Variants in NREP observed in about 807,000 individuals in gnomAD.
NREP encodes neuronal regeneration related protein, also known as neuronal regeneration-related protein.
A neutral mutation model predicts 8.6 loss-of-function variants in NREP; 5 were observed. The ratio of observed to expected loss-of-function variants is 0.58; its 90% CI spans 0.30 to 1.22. The LOEUF (loss-of-function observed/expected upper bound fraction) is 1.22, where lower values mean the gene tolerates loss of function less well. Ranked by LOEUF, NREP falls within the 50% of genes most tolerant of loss-of-function variation. The pLI is 0.07. For missense variants in NREP, 86 were observed against 82.5 expected (o/e 1.04, Z -0.17); for synonymous variants, 27 against 28.0 (o/e 0.96, Z 0.11).
At chr5:111,895,207 C>A (rs76529430) in intron 2 of NREP, among the ~76,000 whole-genome samples, 1 of 152,152 alleles carries the variant, frequency 6.6e-6, no homozygotes, top group African/African-American at 2.4e-5. Flanking sequence ...CCTTGCTACA[C>A]CCTTTAGAGA....
rs1414295186 is a variant in NREP at position 111,730,912 on chromosome 5, G to A, written c.*9C>T. On this transcript the variant is annotated 3_prime_UTR_variant, in exon 4 of 4. Coordinates refer to ENST00000257435, the MANE Select transcript of NREP (RefSeq NM_004772.4). ...TACACCATATGTAATACAAATGGAG[G>A]TGTTACGATTAAAAAAAGTGGAGGT... is the stretch of plus-strand genomic sequence containing the variant. The A allele has an allele frequency of 6.2e-7, 1 of 1,613,666 alleles. No individual in the cohort carries two copies. The highest frequency in any genetic ancestry group is 8.5e-7 in the Non-Finnish European group (1 of 1,179,786).
chr5:111,928,383 A>G (rs1755447841), intron 2 of NREP, among the ~76,000 whole-genome samples: 1 of 152,164 alleles, frequency 6.6e-6, no homozygotes, highest in Middle Eastern at 3.4e-3. Context: ...AAAATGACAA[A>G]TAAGGTTCTC....
chr5:111,920,787 G>A (rs1430118268), intron 2 of NREP, among the ~76,000 whole-genome samples: 1 of 152,060 alleles, frequency 6.6e-6, no homozygotes, highest in East Asian at 1.9e-4. Flanking sequence ...AAAAAAGGCG[G>A]GGCAGAACAC....
rs1748368106 is a variant in NREP at position 111,729,593 on chromosome 5, T to C, written c.*1328A>G. The C allele has an allele frequency of 6.6e-6, 1 of 152,640 alleles. No individual in the cohort carries two copies. Among genetic ancestry groups the C allele is most frequent in the Non-Finnish European group, 1.5e-5 (1 of 68,044 alleles). The allele number at this position is 152,640 out of a possible 1,614,324, so 9.5% of individuals were successfully genotyped here. Reference sequence around the variant, plus strand: ...ACGAAGAAGTGCAGTGCATGCGTCATCGGTGTTTAACAGTCAGAAGCGAAA... The same window carrying C: ...ACGAAGAAGTGCAGTGCATGCGTCACCGGTGTTTAACAGTCAGAAGCGAAA... On this transcript the variant is annotated 3_prime_UTR_variant, in exon 4 of 4. Coordinates refer to ENST00000257435, the MANE Select transcript of NREP (RefSeq NM_004772.4).
intron 2 of NREP, among the ~76,000 whole-genome samples, chr5:111,800,085 C>CTTTTTTT (rs750853784): frequency 1.4e-5 from 2 of 141,162 alleles, no homozygotes. Flanking sequence ...ACGCCAACTA[C>CTTTTTTT]TTTTTTTTTT....
In NREP at chr5:111,926,426, A is replaced by G. The variant is rs1755386098; in HGVS notation, c.135+48848T>C. On this transcript the variant is annotated intron_variant, in intron 2 of 3. Transcript: ENST00000395634. Reference sequence around the variant, plus strand: ...GCTGGGTCGATTGTGCATCGCTTGCAGAGGTCTGTGTTGTCCCACAGGGCA... The same window carrying G: ...GCTGGGTCGATTGTGCATCGCTTGCGGAGGTCTGTGTTGTCCCACAGGGCA... 2.0e-5 allele frequency among the ~76,000 whole-genome samples: 3 copies of G among 152,152 alleles called. No homozygotes were observed. The South Asian group carries it at 6.2e-4, about 32-fold the overall frequency.
chr5:111,731,028 T>C lies in NREP; in HGVS notation c.100A>G (p.Lys34Glu). ...RLPKGRLPVPKEVNRKKNDET... is the reference protein window; with the variant it reads ...RLPKGRLPVPEEVNRKKNDET... The stretch of plus-strand genomic sequence containing the variant: ...TCGTTCTTCTTGCGGTTCACTTCCT[T>C]TGGGACAGGAAGTCTTCCCTGCAAA... The change falls in exon 4 of 4, where the codon AAG (lysine) becomes GAG (glutamate). Residue 34 changes from lysine (K) to glutamate (E), a missense_variant. Transcript: ENST00000257435. 1.9e-6 allele frequency: 3 copies of C among 1,613,882 alleles called. No homozygotes were observed. The highest frequency in any genetic ancestry group is 2.2e-5 in the South Asian group (2 of 91,076).
chr5:111,882,467 G>A (rs2112517407), intron 2 of NREP, among the ~76,000 whole-genome samples: 1 of 152,256 alleles, frequency 6.6e-6, no homozygotes, highest in Middle Eastern at 3.4e-3. Context: ...TTGGATGCAG[G>A]AAATACAGAG....
At chr5:111,848,604 A>G (rs78929666) in intron 2 of NREP, among the ~76,000 whole-genome samples, 2 of 152,002 alleles carry the variant, frequency 1.3e-5, no homozygotes, top group Non-Finnish European at 2.9e-5. Flanking sequence ...AGCTCTGCTA[A>G]ATAGTGAGTT....
intron 2 of NREP, among the ~76,000 whole-genome samples, chr5:111,966,138 C>T (rs1756638832): frequency 6.6e-6 from 1 of 152,044 alleles, no homozygotes; most frequent in South Asian, 2.1e-4. Context: ...TCAGGAAAAG[C>T]TTATCAAAGA....
chr5:111,918,806 G>A (rs541192993), intron 2 of NREP, among the ~76,000 whole-genome samples: 12 of 152,304 alleles, frequency 7.9e-5, no homozygotes, highest in Non-Finnish European at 1.0e-4. Flanking sequence ...CATGGGCAAA[G>A]ACTTCGTGAC....
At chr5:111,771,491 G>A (rs964192996) in intron 2 of NREP, among the ~76,000 whole-genome samples, 2 of 151,320 alleles carry the variant, frequency 1.3e-5, no homozygotes, top group African/African-American at 2.4e-5. Context: ...ATTTATGTGC[G>A]GTGGCTCATG....
intron 2 of NREP, among the ~76,000 whole-genome samples, chr5:111,771,301 G>A (rs1416303472): frequency 1.3e-5 from 2 of 152,030 alleles, no homozygotes; most frequent in South Asian, 2.1e-4. Context: ...TTAGGCATTC[G>A]TTAACTCATT....
intron 2 of NREP, among the ~76,000 whole-genome samples, chr5:111,744,390 G>T (rs1749870569): frequency 6.6e-6 from 1 of 151,604 alleles, no homozygotes; most frequent in African/African-American, 2.4e-5. Flanking sequence ...GTAAATCACA[G>T]GGTACAGAAT....
chr5:111,735,295 G>T, intron 3 of NREP, 135 bp downstream of exon 3: 1 of 540,456 alleles, frequency 1.9e-6, no homozygotes, highest in Non-Finnish European at 3.3e-6. Context: ...TTATTTCCAA[G>T]GTCATCATAG....
intron 2 of NREP, among the ~76,000 whole-genome samples, chr5:111,863,395 G>A (rs1753595849): frequency 1.3e-5 from 2 of 152,110 alleles, no homozygotes; most frequent in African/African-American, 4.8e-5. Context: ...AGAAGTCGAG[G>A]TGAGTAGTTG....
At chr5:111,777,122 A>G (rs1385360495) in intron 2 of NREP, among the ~76,000 whole-genome samples, 2 of 152,090 alleles carry the variant, frequency 1.3e-5, no homozygotes, top group East Asian at 3.9e-4. Context: ...AAGTGAAAGT[A>G]TTTCTCAACT....
chr5:111,875,236 T>C (rs1402324561), intron 2 of NREP, among the ~76,000 whole-genome samples: 1 of 152,108 alleles, frequency 6.6e-6, no homozygotes, highest in Non-Finnish European at 1.5e-5. Flanking sequence ...CCCTTAACTA[T>C]TCAGTTTTAA....
At chr5:111,819,529 G>C (rs1752469786) in intron 2 of NREP, among the ~76,000 whole-genome samples, 1 of 152,114 alleles carries the variant, frequency 6.6e-6, no homozygotes, top group East Asian at 1.9e-4. Context: ...GCAGCACCAA[G>C]GAACAAGCAT....
Sources: gnomAD v4.1 joint callset for allele counts (sites outside exome capture counted in the v4.1 genomes callset) on GRCh38, gnomAD v4.1.1 for gene constraint, MANE v1.5 for transcripts, NCBI Gene and HGNC (gene_info 2026-07-23, HGNC 2026-07-21) for gene names.